CUX1: variants seen among roughly 807,000 people sequenced by gnomAD.
The protein encoded by CUX1 is cut like homeobox 1.
In CUX1, 31 loss-of-function variants were observed where a neutral mutation model predicts 158.8. The observed-to-expected ratio is 0.20, with a 90% CI of 0.15 to 0.26. The LOEUF (loss-of-function observed/expected upper bound fraction) is 0.26, where lower values mean the gene tolerates loss of function less well. CUX1 is among the 10% of genes least tolerant of loss of function. The pLI is 1.00. For synonymous variants in CUX1, 879 were observed against 862.1 expected, an observed-to-expected ratio of 1.02 and a Z score of -0.34; for missense variants, 1,589 against 2,014.6, an observed-to-expected ratio of 0.79 and a Z score of 4.04.
At chr7:102,125,332 C>A (rs1832511184) in intron 8 of CUX1, among the ~76,000 whole-genome samples, 1 of 152,150 alleles carries the variant, frequency 6.6e-6, no homozygotes. Context: ...AAAGCAGGCG[C>A]CACCCAGCCT....
Position 101,986,624 on chromosome 7 carries a change from G to T in CUX1, c.142-41474G>T, listed in dbSNP as rs116028201. Among the ~76,000 whole-genome samples, 836 of 152,320 alleles carry T rather than the reference G, an allele frequency of 5.5e-3. 9 individuals are homozygous for T. Among genetic ancestry groups the T allele is most frequent in the African/African-American group, 0.019 (792 of 41,572 alleles). Reference sequence around the variant, plus strand: ...GGGATGAGCTCTGAGCCCTTTTCCCGTGGGCTCTGCTGCCTGGAGGCATGC... The same window carrying T: ...GGGATGAGCTCTGAGCCCTTTTCCCTTGGGCTCTGCTGCCTGGAGGCATGC... On this transcript the variant is annotated intron_variant, in intron 2 of 23. Coordinates refer to ENST00000292535, the MANE Select transcript of CUX1 (RefSeq NM_181552.4).
chr7:101,858,687 A>G (rs897735405), intron 1 of CUX1, among the ~76,000 whole-genome samples: 43 of 104,554 alleles, frequency 4.1e-4, no homozygotes, highest in Non-Finnish European at 6.8e-4. Context: ...TTTTTTTGAG[A>G]TGGCGTCTTG....
At chr7:101,920,256 G>C (rs1214217413) in intron 2 of CUX1, among the ~76,000 whole-genome samples, 1 of 151,976 alleles carries the variant, frequency 6.6e-6, no homozygotes, top group African/African-American at 2.4e-5. Flanking sequence ...CGAGTAGCTG[G>C]GATTACAGGC....
chr7:102,121,382 A>T (rs1459671628), intron 8 of CUX1, among the ~76,000 whole-genome samples: 1 of 127,258 alleles, frequency 7.9e-6, no homozygotes, highest in South Asian at 2.5e-4. Flanking sequence ...GTCTCGCTCT[A>T]TTGCCCAGGC....
chr7:101,939,639 C>T (rs972620332), intron 2 of CUX1, among the ~76,000 whole-genome samples: 5 of 151,818 alleles, frequency 3.3e-5, no homozygotes, highest in African/African-American at 9.7e-5. Flanking sequence ...TGAGACTGGC[C>T]TGGGCAACAT....
chr7:102,249,093 C>G lies in CUX1; in HGVS notation c.*51C>G. 1 of 1,211,584 alleles carries G rather than the reference C, an allele frequency of 8.3e-7. No individual in the cohort carries two copies. Among genetic ancestry groups the G allele is most frequent in the Non-Finnish European group, 1.0e-6 (1 of 969,392 alleles). The allele number at this position is 1,211,584 out of a possible 1,614,324, so 75.1% of individuals were successfully genotyped here. A position where few individuals can be genotyped will look rare whatever the true frequency, so the allele number is the denominator to read the frequency against. ...CCAGGCTGGGCCGCAAGGGCCTGGA[C>G]GGGGTCGGACGGGGCAGGCGCTGCG... On this transcript the variant is annotated 3_prime_UTR_variant, in exon 24 of 24. Coordinates refer to ENST00000292535, the MANE Select transcript of CUX1 (RefSeq NM_181552.4).
chr7:101,871,928 G>T (rs1798596273), intron 1 of CUX1, among the ~76,000 whole-genome samples: 1 of 151,434 alleles, frequency 6.6e-6, no homozygotes, highest in Non-Finnish European at 1.5e-5. Context: ...TGAGGCAGGA[G>T]AATCGCTTGA....
intron 14 of CUX1, among the ~76,000 whole-genome samples, chr7:102,267,947 G>T (rs950569323): frequency 6.6e-6 from 1 of 152,008 alleles, no homozygotes; most frequent in Non-Finnish European, 1.5e-5. Flanking sequence ...TATTCCAGCC[G>T]TGAGCCACTG....
At chr7:101,918,308 A>G (rs189274192) in intron 2 of CUX1, among the ~76,000 whole-genome samples, 7 of 152,332 alleles carry the variant, frequency 4.6e-5, no homozygotes, top group African/African-American at 1.4e-4. Flanking sequence ...TTACTCAAAG[A>G]CACCTGGCCT....
chr7:101,923,670 T>C (rs557551845), intron 2 of CUX1, among the ~76,000 whole-genome samples: 8 of 152,240 alleles, frequency 5.3e-5, no homozygotes, highest in Non-Finnish European at 1.0e-4. Flanking sequence ...CGATGCCTGG[T>C]CTGCGGTGCT....
At chr7:102,228,631 T>C in intron 21 of CUX1, among the ~76,000 whole-genome samples, 1 of 152,052 alleles carries the variant, frequency 6.6e-6, no homozygotes, top group South Asian at 2.1e-4. Flanking sequence ...AAACCCTATC[T>C]CTACAAAAAA....
chr7:102,088,065 T>G (rs1828134940), intron 4 of CUX1, among the ~76,000 whole-genome samples: 1 of 151,882 alleles, frequency 6.6e-6, no homozygotes, highest in South Asian at 2.1e-4. Context: ...TGGTGCAATC[T>G]TGGCTCACTG....
chr7:102,085,359 G>C (rs541086201), intron 4 of CUX1, among the ~76,000 whole-genome samples: 1,627 of 152,256 alleles, frequency 0.011, 11 homozygotes, highest in Non-Finnish European at 0.017. Flanking sequence ...GTGTTCCCAT[G>C]CTATCTCATC....
chr7:101,820,710 C>A (rs1355098554), intron 1 of CUX1, among the ~76,000 whole-genome samples: 1 of 152,174 alleles, frequency 6.6e-6, no homozygotes, highest in African/African-American at 2.4e-5. Flanking sequence ...TTGTTTAAAC[C>A]AGACCCTTAA....
chr7:101,894,388 A>G (rs1419511289), intron 1 of CUX1, among the ~76,000 whole-genome samples: 3 of 152,166 alleles, frequency 2.0e-5, no homozygotes, highest in Non-Finnish European at 4.4e-5. Flanking sequence ...ATCTCGGCTC[A>G]CTGCAAGCTC....
intron 2 of CUX1, among the ~76,000 whole-genome samples, chr7:101,938,191 C>T (rs1013138301): frequency 6.6e-6 from 1 of 151,760 alleles, no homozygotes; most frequent in Non-Finnish European, 1.5e-5. Context: ...CAGCTCACTG[C>T]AGCCTCAACC....
intron 2 of CUX1, among the ~76,000 whole-genome samples, chr7:101,922,130 T>A (rs573399795): frequency 7.8e-4 from 118 of 152,058 alleles, no homozygotes; most frequent in African/African-American, 2.7e-3. Context: ...AAAAAAAAAA[T>A]TGGTTTGTAA....
In CUX1 at chr7:101,817,745, C is replaced by T; in HGVS notation, c.30+76C>T. The T allele has an allele frequency of 4.6e-6, 7 of 1,524,894 alleles. No homozygotes were observed. Among genetic ancestry groups the T allele is most frequent in the Non-Finnish European group, 6.2e-6 (7 of 1,132,650 alleles). 94.5% of individuals were successfully genotyped at this position (1,524,894 alleles called of 1,614,324 possible). A position where few individuals can be genotyped will look rare whatever the true frequency, so the allele number is the denominator to read the frequency against. On this transcript the variant is annotated intron_variant, in intron 1 of 23. Coordinates refer to ENST00000292535, the MANE Select transcript of CUX1 (RefSeq NM_181552.4). The surrounding 1 kb of genome is among the most constrained non-coding windows in gnomAD (Gnocchi z 4.1). ...CGGGGATGTCGGGGGGTGCCCGGGT[C>T]CCGCGGCTTAGAATGCTCTAGGGCG...
chr7:101,828,814 G>A (rs751535474), intron 1 of CUX1, among the ~76,000 whole-genome samples: 8 of 152,216 alleles, frequency 5.3e-5, no homozygotes, highest in Non-Finnish European at 7.3e-5. Context: ...AGGGCTGGGA[G>A]AGGAGGGCTT....
Sources: allele counts gnomAD v4.1 joint callset (sites outside exome capture counted in the v4.1 genomes callset), GRCh38; gene constraint gnomAD v4.1.1; non-coding constraint Gnocchi (gnomAD v3.1); transcripts MANE v1.5; gene names NCBI Gene and HGNC (gene_info 2026-07-23, HGNC 2026-07-21).